The following PAPPA variants were observed in gnomAD, a reference collection of about 807,000 sequenced individuals.
The protein encoded by PAPPA is pappalysin 1, also known as pappalysin-1.
A neutral mutation model predicts 164.0 loss-of-function variants in PAPPA; 60 were observed. The observed-to-expected ratio is 0.37, with a 90% CI of 0.30 to 0.45. The LOEUF is 0.45. Among genes scored for constraint, PAPPA ranks in the 20% least tolerant of loss-of-function variants. PAPPA has a pLI of 1.00. For missense variants in PAPPA, 1,782 were observed against 2,087.3 expected (o/e 0.85, Z 2.85); for synonymous variants, 875 against 814.1 (o/e 1.07, Z -1.27).
chr9:116,338,915 T>C (rs1482866629), intron 13 of PAPPA, among the ~76,000 whole-genome samples: 1 of 152,222 alleles, frequency 6.6e-6, no homozygotes, highest in Non-Finnish European at 1.5e-5. Flanking sequence ...TGTTTTGTTC[T>C]CATAAAATCA....
rs1253571740 is a variant in PAPPA, at chr9:116,289,219, A to G, written c.2954-13538A>G. Among the ~76,000 whole-genome samples the G allele has an allele frequency of 1.8e-3, 6 of 3,264 alleles. 1 individual carries two copies. Among genetic ancestry groups the G allele is most frequent in the Admixed American group, 4.2e-3 (1 of 240 alleles). The allele number at this position is 3,264 out of a possible 152,430, so 2.1% of individuals were successfully genotyped here. A position where few individuals can be genotyped will look rare whatever the true frequency, so the allele number is the denominator to read the frequency against. On this transcript the variant is annotated intron_variant, in intron 9 of 21. Coordinates refer to ENST00000328252, the MANE Select transcript of PAPPA (RefSeq NM_002581.5). ...TAGCATATATATATAGCATATATGT[A>G]GCATATATATATAGCATATATATAT...
At chr9:116,196,363 G>A (rs1253162179) in intron 2 of PAPPA, among the ~76,000 whole-genome samples, 1 of 152,154 alleles carries the variant, frequency 6.6e-6, no homozygotes, top group East Asian at 1.9e-4. Flanking sequence ...GGTTTGGCAT[G>A]CTCAGCACTC....
At position 116,207,660 on chromosome 9, in the gene PAPPA, CGAT is replaced by C. The variant is rs1844253662; in HGVS notation, c.1624+66_1624+68del. 79 of 1,247,944 alleles carry C rather than the reference CGAT, an allele frequency of 6.3e-5. No homozygotes were observed. The South Asian group carries it at 1.3e-3, about 20-fold the overall frequency. 77.3% of individuals were successfully genotyped at this position (1,247,944 alleles called of 1,614,324 possible). On this transcript the variant is annotated intron_variant, in intron 3 of 21. Transcript: ENST00000328252. ...GAGTAGGACAGTAATACACTTAGTG[CGAT>C]GATGATCATTGTTACGATCATGATG...
At chr9:116,357,521 G>T (rs1846369598) in intron 17 of PAPPA, among the ~76,000 whole-genome samples, 1 of 152,204 alleles carries the variant, frequency 6.6e-6, no homozygotes, top group Admixed American at 6.5e-5. Context: ...AAGGCCCGGG[G>T]AGGGTAAGTT....
At chr9:116,161,405 C>T (rs573541109) in intron 1 of PAPPA, among the ~76,000 whole-genome samples, 13 of 152,164 alleles carry the variant, frequency 8.5e-5, no homozygotes, top group Non-Finnish European at 1.8e-4. Context: ...GACTTTCAAA[C>T]TTTTCAAACT....
intron 6 of PAPPA, among the ~76,000 whole-genome samples, chr9:116,234,671 C>T (rs426632): frequency 0.45 from 67,850 of 151,956 alleles, 15,634 homozygotes; most frequent in East Asian, 0.64. Context: ...AAACAAAACT[C>T]GGTTCCAATG....
intron 17 of PAPPA, among the ~76,000 whole-genome samples, chr9:116,361,473 C>T (rs150527975): frequency 2.6e-5 from 4 of 152,306 alleles, no homozygotes; most frequent in African/African-American, 9.6e-5. Context: ...AGAATTAGAA[C>T]CACAACAGGC....
intron 10 of PAPPA, among the ~76,000 whole-genome samples, chr9:116,303,701 C>G (rs537593661): frequency 1.3e-5 from 2 of 152,126 alleles, no homozygotes; most frequent in Non-Finnish European, 2.9e-5. Flanking sequence ...TTTCAGAGAC[C>G]AGCCTGCCTC....
At chr9:116,371,671 G>T (rs117255926) in intron 19 of PAPPA, among the ~76,000 whole-genome samples, 3,161 of 151,752 alleles carry the variant, frequency 0.021, 91 homozygotes, top group Admixed American at 0.079. Context: ...TTGAACTCCT[G>T]TCCTCAAGTG....
chr9:116,374,848 C>G (rs968847815), intron 19 of PAPPA, among the ~76,000 whole-genome samples: 1 of 152,230 alleles, frequency 6.6e-6, no homozygotes, highest in African/African-American at 2.4e-5. Context: ...AGCAGGTGAT[C>G]CTCTTCACCC....
At chr9:116,161,038 G>A (rs1255756344) in intron 1 of PAPPA, among the ~76,000 whole-genome samples, 1 of 152,164 alleles carries the variant, frequency 6.6e-6, no homozygotes, top group Non-Finnish European at 1.5e-5. Context: ...AGACAATGCC[G>A]GGAGAAGCCG....
chr9:116,176,035 T>C (rs913520152), intron 1 of PAPPA, among the ~76,000 whole-genome samples: 1 of 152,190 alleles, frequency 6.6e-6, no homozygotes, highest in Non-Finnish European at 1.5e-5. Flanking sequence ...CTGTGCCAGA[T>C]AGCAGGTGCT....
At chr9:116,386,209 G>T (rs1469148718) in intron 21 of PAPPA, among the ~76,000 whole-genome samples, 1 of 152,130 alleles carries the variant, frequency 6.6e-6, no homozygotes, top group Non-Finnish European at 1.5e-5. Flanking sequence ...AAGATTCCTA[G>T]AAGTCTTACT....
intron 2 of PAPPA, among the ~76,000 whole-genome samples, chr9:116,197,216 C>T (rs2118652204): frequency 6.6e-6 from 1 of 152,190 alleles, no homozygotes; most frequent in African/African-American, 2.4e-5. Flanking sequence ...ATCCTGTTTC[C>T]AAGATTGTGG....
At chr9:116,224,917 G>A (rs1322718358) in intron 5 of PAPPA, among the ~76,000 whole-genome samples, 1 of 152,134 alleles carries the variant, frequency 6.6e-6, no homozygotes, top group East Asian at 1.9e-4. Context: ...TGTAGATATA[G>A]GTATCCATGA....
chr9:116,265,866 T>G lies in PAPPA; in HGVS notation c.2742T>G (p.Asn914Lys). The G allele has an allele frequency of 6.3e-7, 1 of 1,599,854 alleles. No individual in the cohort carries two copies. Among genetic ancestry groups the G allele is most frequent in the African/African-American group, 1.3e-5 (1 of 74,846 alleles). Residue 914 changes from asparagine to lysine, a missense_variant, in exon 8 of 22, where the codon AAT becomes AAG. By Grantham distance (94) the Asn-to-Lys change is moderately conservative. Coordinates refer to ENST00000328252, the MANE Select transcript of PAPPA (RefSeq NM_002581.5). ...LNRKFVDMDL[N>K]LGSVYQYWVI... The stretch of plus-strand genomic sequence containing the variant: ...TCTTTGTATTTTCCAGGGATCTAAA[T>G]CTTGGCAGTGTGTACCAGTATTGGG...
At chr9:116,301,910 C>G (rs1349408370) in intron 9 of PAPPA, among the ~76,000 whole-genome samples, 2 of 152,208 alleles carry the variant, frequency 1.3e-5, no homozygotes, top group Non-Finnish European at 2.9e-5. Flanking sequence ...GGTTTCAGAG[C>G]TGGAATTGAA....
At chr9:116,162,845 C>G (rs1273183014) in intron 1 of PAPPA, among the ~76,000 whole-genome samples, 1 of 152,118 alleles carries the variant, frequency 6.6e-6, no homozygotes, top group African/African-American at 2.4e-5. Context: ...GCCTTTTCCT[C>G]CCTTACAACT....
In PAPPA at chr9:116,347,716, G is replaced by C. The variant is rs1846230367; in HGVS notation, c.3964+507G>C. ...GGTCTGTTGTTCTCCAATGCTGGCTGCCACTCATTAAGAGGGGCCAGCTGG... is the reference window on the plus strand; with the variant it reads ...GGTCTGTTGTTCTCCAATGCTGGCTCCCACTCATTAAGAGGGGCCAGCTGG... On this transcript the variant is annotated intron_variant, in intron 15 of 21. Coordinates refer to ENST00000328252, the MANE Select transcript of PAPPA (RefSeq NM_002581.5). The surrounding 1 kb of genome is among the most constrained non-coding windows in gnomAD (Gnocchi z 4.5). 6.6e-6 allele frequency among the ~76,000 whole-genome samples: 1 copy of C among 152,150 alleles called. No homozygotes were observed. The highest frequency in any genetic ancestry group is 1.5e-5 in the Non-Finnish European group (1 of 68,038).
Sources: gnomAD v4.1 joint callset for allele counts (sites outside exome capture counted in the v4.1 genomes callset) on GRCh38, gnomAD v4.1.1 for gene constraint, Gnocchi (gnomAD v3.1) non-coding constraint, MANE v1.5 for transcripts, NCBI Gene and HGNC (gene_info 2026-07-23, HGNC 2026-07-21) for gene names.